Variants in ERBB4 observed in about 807,000 individuals in gnomAD.
ERBB4 encodes erb-b2 receptor tyrosine kinase 4.
Under a neutral mutation model 158.0 loss-of-function variants are expected in ERBB4, and 42 were observed. The ratio of observed to expected loss-of-function variants is 0.27; its 90% CI spans 0.21 to 0.34. The LOEUF (loss-of-function observed/expected upper bound fraction) is 0.34, where lower values mean the gene tolerates loss of function less well. Ranked by LOEUF, ERBB4 falls within the 10% of genes least tolerant of loss-of-function variation. The pLI, the probability that ERBB4 is intolerant of heterozygous loss-of-function variation, is 1.00. For synonymous variants in ERBB4, 583 were observed against 558.7 expected, an observed-to-expected ratio of 1.04 and a Z score of -0.61; for missense variants, 1,333 against 1,624.1, an observed-to-expected ratio of 0.82 and a Z score of 3.08.
At chr2:212,465,773 C>G (rs1390648633) in intron 1 of ERBB4, among the ~76,000 whole-genome samples, 3 of 152,188 alleles carry the variant, frequency 2.0e-5, no homozygotes, top group Non-Finnish European at 4.4e-5. Flanking sequence ...CTATGTGTCT[C>G]AAATATTGAC....
intron 1 of ERBB4, among the ~76,000 whole-genome samples, chr2:212,184,276 C>T (rs549452043): frequency 3.9e-4 from 60 of 152,132 alleles, no homozygotes; most frequent in African/African-American, 1.3e-3. Flanking sequence ...AAATCTTAAC[C>T]TAATCATGTT....
chr2:211,711,964 A>G (rs983046054), intron 9 of ERBB4, 86 bp downstream of exon 9: 10 of 1,178,204 alleles, frequency 8.5e-6, no homozygotes, highest in South Asian at 5.1e-5. Flanking sequence ...TTCAGCTTCC[A>G]GAGGAATCAA....
chr2:211,934,389 T>G (rs1321050484), intron 3 of ERBB4, among the ~76,000 whole-genome samples: 1 of 151,954 alleles, frequency 6.6e-6, no homozygotes, highest in African/African-American at 2.4e-5. Context: ...AATAAAAAAT[T>G]CAAAAAGTGG....
intron 9 of ERBB4, among the ~76,000 whole-genome samples, chr2:211,707,558 C>A (rs893610808): frequency 3.9e-5 from 6 of 152,092 alleles, no homozygotes; most frequent in African/African-American, 1.2e-4. Context: ...ACTATGTAAA[C>A]CCTTTCTTGC....
intron 2 of ERBB4, among the ~76,000 whole-genome samples, chr2:211,951,495 G>C (rs765516439): frequency 3.3e-5 from 5 of 151,984 alleles, no homozygotes; most frequent in Non-Finnish European, 7.4e-5. Flanking sequence ...TTATTTACTA[G>C]AAAAAGTAAA....
At chr2:212,191,306 T>G (rs2082180215) in intron 1 of ERBB4, among the ~76,000 whole-genome samples, 1 of 152,102 alleles carries the variant, frequency 6.6e-6, no homozygotes, top group East Asian at 1.9e-4. Context: ...GACTACACTT[T>G]GAGAACCACC....
At chr2:211,889,290 C>T (rs2078899278) in intron 3 of ERBB4, among the ~76,000 whole-genome samples, 1 of 144,480 alleles carries the variant, frequency 6.9e-6, no homozygotes, top group Non-Finnish European at 1.5e-5. Context: ...CCGGGGCACA[C>T]TGACACCTCA....
chr2:212,055,326 C>T (rs1010203483), intron 2 of ERBB4, among the ~76,000 whole-genome samples: 4 of 152,218 alleles, frequency 2.6e-5, no homozygotes, highest in East Asian at 1.9e-4. Flanking sequence ...GAGCCCATGA[C>T]AGCTGAATGA....
At position 211,742,229 on chromosome 2, in the gene ERBB4, C is replaced by T. The variant is rs1157168952; in HGVS notation, c.622+8410G>A. ...TGCTCTAATTGGATATTTACCACAT[C>T]GGCACCTTCTTTTTAAACAACATTT... On this transcript the variant is annotated intron_variant, in intron 5 of 27. Transcript: ENST00000342788. 2.6e-5 allele frequency among the ~76,000 whole-genome samples: 4 copies of T among 152,152 alleles called. No individual in the cohort carries two copies. In the East Asian group the frequency reaches 7.7e-4, roughly 29 times the overall value.
intron 19 of ERBB4, among the ~76,000 whole-genome samples, chr2:211,587,928 T>C (rs2068336487): frequency 6.6e-6 from 1 of 152,164 alleles, no homozygotes; most frequent in Admixed American, 6.5e-5. Flanking sequence ...GCGGCATTGT[T>C]TGTAATAACA....
chr2:211,660,772 A>C (rs776586433), intron 15 of ERBB4, among the ~76,000 whole-genome samples: 28 of 152,156 alleles, frequency 1.8e-4, no homozygotes, highest in African/African-American at 7.2e-5. Context: ...GAAGATGGAA[A>C]CCCAAGGAAC....
intron 3 of ERBB4, among the ~76,000 whole-genome samples, chr2:211,898,144 TTC>T (rs2079147564): frequency 2.0e-5 from 3 of 152,030 alleles, no homozygotes; most frequent in Admixed American, 6.6e-5. Context: ...GTCAGTAGCT[TTC>T]GAAAGCCTAA....
intron 4 of ERBB4, among the ~76,000 whole-genome samples, chr2:211,763,078 C>A (rs1559496467): frequency 6.6e-6 from 1 of 151,792 alleles, no homozygotes; most frequent in Non-Finnish European, 1.5e-5. Flanking sequence ...TGTCTGGAGA[C>A]ATGAGAACGG....
At chr2:211,798,581 A>G (rs1022085791) in intron 3 of ERBB4, among the ~76,000 whole-genome samples, 5 of 152,120 alleles carry the variant, frequency 3.3e-5, no homozygotes, top group African/African-American at 1.2e-4. Flanking sequence ...TTCAAAAGGT[A>G]CTAGCTATTT....
chr2:212,021,797 G>C (rs1026318660), intron 2 of ERBB4, among the ~76,000 whole-genome samples: 2 of 151,434 alleles, frequency 1.3e-5, no homozygotes, highest in African/African-American at 4.8e-5. Flanking sequence ...CAAAATGGGA[G>C]AAAATTTTTG....
At chr2:211,558,935 A>G (rs2067311478) in intron 20 of ERBB4, among the ~76,000 whole-genome samples, 1 of 152,168 alleles carries the variant, frequency 6.6e-6, no homozygotes, top group Non-Finnish European at 1.5e-5. Flanking sequence ...GTAATCCTTC[A>G]TCTTTCCATA....
chr2:211,987,548 G>A (rs546762089), intron 2 of ERBB4, among the ~76,000 whole-genome samples: 3 of 151,682 alleles, frequency 2.0e-5, no homozygotes, highest in South Asian at 4.2e-4. Context: ...GAAGGGAGGA[G>A]GGTGTAAGAA....
chr2:211,716,532 C>T (rs1306403093), intron 7 of ERBB4, among the ~76,000 whole-genome samples: 4 of 151,498 alleles, frequency 2.6e-5, no homozygotes, highest in Admixed American at 2.0e-4. Flanking sequence ...AAAAATTAGC[C>T]GGGCCTGGTG....
intron 3 of ERBB4, among the ~76,000 whole-genome samples, chr2:211,869,771 G>C (rs1372608738): frequency 6.6e-6 from 1 of 151,978 alleles, no homozygotes; most frequent in African/African-American, 2.4e-5. Context: ...TTCTCTAATA[G>C]AGTGGTATAT....
Sources: allele counts gnomAD v4.1 joint callset (sites outside exome capture counted in the v4.1 genomes callset), GRCh38; gene constraint gnomAD v4.1.1; transcripts MANE v1.5; gene names NCBI Gene and HGNC (gene_info 2026-07-23, HGNC 2026-07-21).